Variants in ATXN2 observed in about 807,000 individuals in gnomAD.
ATXN2 encodes the protein ataxin-2.
A neutral mutation model predicts 138.6 loss-of-function variants in ATXN2; 37 were observed. That is an observed-to-expected ratio of 0.27 (90% CI 0.21 to 0.35). The LOEUF is 0.35. Ranked by LOEUF, ATXN2 falls within the 10% of genes least tolerant of loss-of-function variation. The pLI, the probability that ATXN2 is intolerant of heterozygous loss-of-function variation, is 1.00. For missense variants in ATXN2, 1,216 were observed against 1,480.3 expected (o/e 0.82, Z 2.93); for synonymous variants, 549 against 543.7 (o/e 1.01, Z -0.13).
chr12:111,496,835 G>T (rs901804179), intron 14 of ATXN2, among the ~76,000 whole-genome samples: 2 of 151,166 alleles, frequency 1.3e-5, no homozygotes, highest in Admixed American at 6.6e-5. Flanking sequence ...GAAAAGCAAG[G>T]ACAAAACCTA....
Position 111,452,685 on chromosome 12 carries a change from G to A in ATXN2, c.*127C>T. On this transcript the variant is annotated 3_prime_UTR_variant, in exon 25 of 25. Transcript: ENST00000673436. ...TGAACTGTTAGCATTCCTATTGGAT[G>A]TTACAAGAAATCAACATATATATTT... The A allele has an allele frequency of 9.0e-7, 1 of 1,107,504 alleles. No homozygotes were observed. The highest frequency in any genetic ancestry group is 1.4e-6 in the Non-Finnish European group (1 of 734,138). 68.6% of individuals were successfully genotyped at this position (1,107,504 alleles called of 1,614,324 possible). A position where few individuals can be genotyped will look rare whatever the true frequency, so the allele number is the denominator to read the frequency against.
chr12:111,473,764 GAAAA>G (rs10710242), intron 18 of ATXN2, among the ~76,000 whole-genome samples: 5 of 139,968 alleles, frequency 3.6e-5, no homozygotes, highest in African/African-American at 1.2e-4. Context: ...AAACATTGGG[GAAAA>G]AAAAAAAAAA....
chr12:111,528,217 C>G (rs918452062), intron 5 of ATXN2, among the ~76,000 whole-genome samples: 1 of 152,146 alleles, frequency 6.6e-6, no homozygotes, highest in African/African-American at 2.4e-5. Flanking sequence ...AAGCTCGAAG[C>G]AGCTAGAGAT....
At chr12:111,541,994 C>T (rs1656146282) in intron 5 of ATXN2, among the ~76,000 whole-genome samples, 1 of 149,056 alleles carries the variant, frequency 6.7e-6, no homozygotes, top group Admixed American at 6.8e-5. Flanking sequence ...TCTCAAACTC[C>T]CGTCCTCAAG....
chr12:111,465,629 T>A (rs1875938823), intron 20 of ATXN2, among the ~76,000 whole-genome samples: 1 of 150,568 alleles, frequency 6.6e-6, no homozygotes. Flanking sequence ...AATTGGCCGG[T>A]CGTGGTGGCG....
rs576225381 is a variant in ATXN2 at position 111,503,882 on chromosome 12, G to A, written c.1935+5667C>T. ...TAGGATTATAGGTATCAGCCACCGT[G>A]CCCGGCCCACTCTCATTTTTTAAAA... On this transcript the variant is annotated intron_variant, in intron 14 of 24. Coordinates refer to ENST00000673436, the MANE Select transcript of ATXN2 (RefSeq NM_001372574.1). Among the ~76,000 whole-genome samples the A allele has an allele frequency of 2.2e-4, 33 of 152,196 alleles. No homozygotes were observed. The South Asian group carries it at 6.4e-3, about 30-fold the overall frequency.
intron 10 of ATXN2, among the ~76,000 whole-genome samples, chr12:111,514,171 T>TA (rs1285267474): frequency 1.3e-5 from 2 of 152,236 alleles, no homozygotes; most frequent in African/African-American, 4.8e-5. Context: ...TTCTTAGGCT[T>TA]AGCAGGCTGT....
intron 1 of ATXN2, among the ~76,000 whole-genome samples, chr12:111,568,017 T>C (rs543580630): frequency 1.5e-4 from 23 of 152,198 alleles, no homozygotes; most frequent in South Asian, 1.2e-3. Context: ...TCCCGGCACT[T>C]TGGGAGGCTG....
chr12:111,583,270 C>T (rs544542526), intron 1 of ATXN2, among the ~76,000 whole-genome samples: 1 of 152,008 alleles, frequency 6.6e-6, no homozygotes, highest in Non-Finnish European at 1.5e-5. Flanking sequence ...GGATTATAGG[C>T]GTGAGCCACC....
chr12:111,507,103 G>A (rs981705796), intron 14 of ATXN2, among the ~76,000 whole-genome samples: 4 of 152,024 alleles, frequency 2.6e-5, no homozygotes, highest in Admixed American at 2.0e-4. Context: ...GGGAAGTGAG[G>A]AGCGTCTCTG....
intron 6 of ATXN2, among the ~76,000 whole-genome samples, chr12:111,524,559 T>C (rs1216834689): frequency 6.6e-6 from 1 of 152,186 alleles, no homozygotes; most frequent in African/African-American, 2.4e-5. Context: ...GCCTCCCAAG[T>C]AGCTGGGACT....
chr12:111,484,844 C>G (rs1359433041), intron 18 of ATXN2, among the ~76,000 whole-genome samples: 2 of 152,204 alleles, frequency 1.3e-5, no homozygotes, highest in African/African-American at 2.4e-5. Flanking sequence ...GATCCTCTCG[C>G]CTCAGTCCCC....
At chr12:111,525,168 A>G in intron 6 of ATXN2, 24 bp downstream of exon 6, 1 of 1,598,902 alleles carries the variant, frequency 6.3e-7, no homozygotes, top group Non-Finnish European at 8.5e-7. Flanking sequence ...AGAGTCTAGC[A>G]ATAATTACAA....
At chr12:111,574,287 G>C (rs555427878) in intron 1 of ATXN2, among the ~76,000 whole-genome samples, 1 of 111,570 alleles carries the variant, frequency 9.0e-6, no homozygotes, top group Non-Finnish European at 1.6e-5. Context: ...CAGCCTGGGC[G>C]ACAGAGCAAG....
intron 5 of ATXN2, among the ~76,000 whole-genome samples, chr12:111,542,063 C>G (rs1371824565): frequency 6.7e-6 from 1 of 148,620 alleles, no homozygotes; most frequent in Non-Finnish European, 1.5e-5. Context: ...CCAACGTGCC[C>G]GGCCAAAACT....
chr12:111,502,954 G>C (rs1393938711), intron 14 of ATXN2, among the ~76,000 whole-genome samples: 1 of 152,064 alleles, frequency 6.6e-6, no homozygotes, highest in South Asian at 2.1e-4. Context: ...TTTTGGCTTG[G>C]GGGAAGTAGA....
chr12:111,470,841 T>TA, intron 18 of ATXN2, 99 bp from the exon 19 acceptor site: 1 of 1,272,190 alleles, frequency 7.9e-7, no homozygotes, highest in African/African-American at 1.5e-5. Context: ...TGACCCTGAA[T>TA]CTGCGTCTCT....
At position 111,470,617 on chromosome 12, in the gene ATXN2, T is replaced by C; in HGVS notation, c.2650A>G (p.Ser884Gly). 6.2e-7 allele frequency: 1 copy of C among 1,614,200 alleles called. No individual in the cohort carries two copies. Among genetic ancestry groups the C allele is most frequent in the Non-Finnish European group, 8.5e-7 (1 of 1,180,034 alleles). ...GGCTGATTTGGGAACTGCTGAGGAC[T>C]GTAGGCAACATATTGCGTGGAGTAA... is the stretch of plus-strand genomic sequence containing the variant. Reference protein sequence around the residue: ...PAYSTQYVAYSPQQFPNQPLV... With the variant: ...PAYSTQYVAYGPQQFPNQPLV... The change falls in exon 19 of 25, where the codon AGT becomes GGT. Residue 884 changes from serine (S) to glycine (G), a missense_variant. Physicochemically the swap from Ser to Gly is moderately conservative, Grantham distance 56 (BLOSUM62 0). Transcript: ENST00000673436.
chr12:111,520,887 C>G lies in ATXN2; in HGVS notation c.783G>C (p.Ser261=), dbSNP rs547468537. The G allele has an allele frequency of 1.3e-4, 199 of 1,552,692 alleles. 2 individuals are homozygous for G. In the South Asian group the frequency reaches 2.3e-3, roughly 18 times the overall value. Reference sequence around the variant, plus strand: ...AACAAACTTTTCAAACTTACGTATACGAAGATAAACTGCTATCATACGTAG... The same window carrying G: ...AACAAACTTTTCAAACTTACGTATAGGAAGATAAACTGCTATCATACGTAG... ...VVSTYDSSLS[S]YTVPLERDNS... Residue 261 remains serine (S), a synonymous_variant, in exon 7 of 25, where the codon TCG becomes TCC. Coordinates refer to ENST00000673436, the MANE Select transcript of ATXN2 (RefSeq NM_001372574.1).
Sources: gnomAD v4.1 joint callset for allele counts (sites outside exome capture counted in the v4.1 genomes callset) on GRCh38, gnomAD v4.1.1 for gene constraint, MANE v1.5 for transcripts, NCBI Gene and HGNC (gene_info 2026-07-23, HGNC 2026-07-21) for gene names.